The following ENTREP2 variants were observed in gnomAD, a reference collection of about 807,000 sequenced individuals.
ENTREP2 encodes endosomal transmembrane epsin interactor 2.
At chr15:29,428,145 C>G in the ENTREP2 span, among the ~76,000 whole-genome samples, 1 of 152,256 alleles carries the variant, frequency 6.6e-6, no homozygotes, top group South Asian at 2.1e-4. Context: ...AACCCAAAGC[C>G]AAGTCCACTT....
chr15:29,255,715 A>G, the ENTREP2 span, among the ~76,000 whole-genome samples: 1 of 152,054 alleles, frequency 6.6e-6, no homozygotes. Context: ...AAAGAACACA[A>G]TCATGGCCAG....
the ENTREP2 span, among the ~76,000 whole-genome samples, chr15:29,555,290 T>C: frequency 1.5e-3 from 236 of 152,278 alleles, 1 homozygote; most frequent in African/African-American, 5.3e-3. Flanking sequence ...CAACTTTTAC[T>C]TTTGTCCTTT....
the ENTREP2 span, among the ~76,000 whole-genome samples, chr15:29,606,002 A>C: frequency 6.6e-6 from 1 of 151,902 alleles, no homozygotes; most frequent in East Asian, 1.9e-4. Flanking sequence ...CTCCCACCAT[A>C]AGTGACATTA....
the ENTREP2 span, among the ~76,000 whole-genome samples, chr15:29,307,252 T>C: frequency 6.6e-6 from 1 of 151,758 alleles, no homozygotes. Flanking sequence ...TGAACAGCCA[T>C]GTTTTAAAAG....
At chr15:29,529,251 GTGAGGGTGTGGAGGGGTGT>G in the ENTREP2 span, among the ~76,000 whole-genome samples, 1 of 131,526 alleles carries the variant, frequency 7.6e-6, no homozygotes, top group Non-Finnish European at 1.7e-5. Flanking sequence ...GGAGGGGTGT[GTGAGGGTGTGGAGGGGTGT>G]GTGGTAGCTA....
At chr15:29,404,435 C>T in the ENTREP2 span, among the ~76,000 whole-genome samples, 1 of 151,970 alleles carries the variant, frequency 6.6e-6, no homozygotes, top group South Asian at 2.1e-4. Context: ...AGGCAGAACT[C>T]CCCTGTCTGG....
the ENTREP2 span, among the ~76,000 whole-genome samples, chr15:29,378,722 T>C: frequency 6.6e-6 from 1 of 152,194 alleles, no homozygotes; most frequent in African/African-American, 2.4e-5. Flanking sequence ...TTCTTTAAAA[T>C]AAATAAATCT....
At chr15:29,196,703 A>G in the ENTREP2 span, 1 of 851,650 alleles carries the variant, frequency 1.2e-6, no homozygotes, top group Non-Finnish European at 1.7e-6. Flanking sequence ...GTAGTACAGC[A>G]AAAACAATTT....
chr15:29,491,892 C>G, the ENTREP2 span, among the ~76,000 whole-genome samples: 2 of 152,276 alleles, frequency 1.3e-5, no homozygotes, highest in East Asian at 1.9e-4. Flanking sequence ...ACATATCAAT[C>G]TCGTTACTCA....
chr15:29,313,565 CTTAAT>C, the ENTREP2 span, among the ~76,000 whole-genome samples: 25,881 of 152,030 alleles, frequency 0.17, 2,712 homozygotes, highest in Non-Finnish European at 0.24. Context: ...GCATGGTTTA[CTTAAT>C]ATTTCAAGCC....
chr15:29,253,596 C>A, the ENTREP2 span, among the ~76,000 whole-genome samples: 2 of 151,946 alleles, frequency 1.3e-5, no homozygotes, highest in Non-Finnish European at 2.9e-5. Context: ...GTGCGCACAA[C>A]CACACCCAGC....
At chr15:29,290,106 A>C in the ENTREP2 span, among the ~76,000 whole-genome samples, 2 of 152,110 alleles carry the variant, frequency 1.3e-5, no homozygotes, top group African/African-American at 4.8e-5. Flanking sequence ...ACCCTCCTGC[A>C]AGTCCCTCCT....
At chr15:29,492,185 C>A in the ENTREP2 span, among the ~76,000 whole-genome samples, 1 of 152,106 alleles carries the variant, frequency 6.6e-6, no homozygotes, top group Non-Finnish European at 1.5e-5. Flanking sequence ...ATGTAACTTA[C>A]TTCACTTCTC....
At chr15:29,532,088 T>C in the ENTREP2 span, among the ~76,000 whole-genome samples, 1 of 152,230 alleles carries the variant, frequency 6.6e-6, no homozygotes, top group Non-Finnish European at 1.5e-5. Context: ...ATAGTCACCA[T>C]GTTGTACAAG....
chr15:29,632,472 T>C, the ENTREP2 span, among the ~76,000 whole-genome samples: 925 of 152,290 alleles, frequency 6.1e-3, 7 homozygotes, highest in African/African-American at 0.021. Context: ...ACCTGTTTAC[T>C]AAAATGATAA....
At chr15:29,480,599 T>C in the ENTREP2 span, among the ~76,000 whole-genome samples, 1 of 151,948 alleles carries the variant, frequency 6.6e-6, no homozygotes, top group Non-Finnish European at 1.5e-5. Context: ...AGGCAGGGCA[T>C]GGGGAGGCAG....
At chr15:29,414,534 A>G in the ENTREP2 span, among the ~76,000 whole-genome samples, 1 of 152,226 alleles carries the variant, frequency 6.6e-6, no homozygotes, top group African/African-American at 2.4e-5. Flanking sequence ...CTAAATGCCC[A>G]CAAGAGAAAG....
At chr15:29,244,226 T>C in the ENTREP2 span, among the ~76,000 whole-genome samples, 2 of 152,144 alleles carry the variant, frequency 1.3e-5, no homozygotes, top group African/African-American at 4.8e-5. Flanking sequence ...AGGATGGTGA[T>C]AAAATTTACA....
chr15:29,248,241 TA>T, the ENTREP2 span, among the ~76,000 whole-genome samples: 1 of 148,692 alleles, frequency 6.7e-6, no homozygotes, highest in Non-Finnish European at 1.5e-5. Flanking sequence ...TTAACTATAT[TA>T]AAAAAAAGCA....
Sources: allele counts gnomAD v4.1 joint callset (sites outside exome capture counted in the v4.1 genomes callset), GRCh38; gene constraint gnomAD v4.1.1; transcripts MANE v1.5; gene names NCBI Gene and HGNC (gene_info 2026-07-23, HGNC 2026-07-21).